The following LSS variants were observed in gnomAD, a reference collection of about 807,000 sequenced individuals.
LSS encodes lanosterol synthase, also known as 2,3-epoxysqualene-lanosterol cyclase.
In LSS, 90 loss-of-function variants were observed where a neutral mutation model predicts 110.3. The ratio of observed to expected loss-of-function variants is 0.82; its 90% CI spans 0.69 to 0.97. The LOEUF (loss-of-function observed/expected upper bound fraction) is 0.97. Among genes scored for constraint, LSS ranks in the 50% least tolerant of loss-of-function variants. The pLI is 0.00. For synonymous variants in LSS, 433 were observed against 400.0 expected (o/e 1.08, Z -0.98); for missense variants, 927 against 990.0 (o/e 0.94, Z 0.85).
chr21:46,215,809 T>C lies in LSS; in HGVS notation c.784-16A>G, dbSNP rs1224155114. The stretch of plus-strand genomic sequence containing the variant: ...CATAGAGCTCCTGGTGGGGGCAGTG[T>C]CTGAGCCTTGGGGCCTGGGAGCACC... On this transcript the variant is annotated splice_polypyrimidine_tract_variant and intron_variant, in intron 7 of 21. Transcript: ENST00000397728. 6.4e-7 allele frequency: 1 copy of C among 1,564,226 alleles called. No homozygotes were observed. The highest frequency in any genetic ancestry group is 8.8e-7 in the Non-Finnish European group (1 of 1,139,858).
chr21:46,192,731 G>C (rs113932475), intron 20 of LSS: 3 of 450,742 alleles, frequency 6.7e-6, no homozygotes, highest in Middle Eastern at 3.3e-4. Flanking sequence ...GGCACAGATG[G>C]GATACTGCGG....
At chr21:46,195,365 G>A (rs1276092948) in intron 19 of LSS, among the ~76,000 whole-genome samples, 4 of 152,192 alleles carry the variant, frequency 2.6e-5, no homozygotes, top group African/African-American at 9.7e-5. Flanking sequence ...AAGACTGCTT[G>A]AGCCCAAACC....
intron 17 of LSS, among the ~76,000 whole-genome samples, chr21:46,201,958 C>G (rs1411157287): frequency 1.3e-5 from 2 of 150,694 alleles, no homozygotes; most frequent in African/African-American, 4.9e-5. Context: ...CCACCACGCC[C>G]GGCTAATTTT....
Position 46,206,733 on chromosome 21 carries a change from G to A in LSS, c.1503C>T (p.Ala501=). ...LNMRNPDGGF[A]TYETKRGGHL... is the part of the protein sequence containing the mutation. ...GCCCCCCACGCTTGGTCTCATAGGTGGCGAACCCTCCATCTGGATTTCTCA... is the reference window on the plus strand; with the variant it reads ...GCCCCCCACGCTTGGTCTCATAGGTAGCGAACCCTCCATCTGGATTTCTCA... The change falls in exon 16 of 22, where the codon GCC becomes GCT. Residue 501 remains alanine, a synonymous_variant. Coordinates refer to ENST00000397728, the MANE Select transcript of LSS (RefSeq NM_002340.6). 1 of 1,612,760 alleles carries A rather than the reference G, an allele frequency of 6.2e-7. No individual in the cohort carries two copies. Among genetic ancestry groups the A allele is most frequent in the Non-Finnish European group, 8.5e-7 (1 of 1,179,970 alleles).
intron 17 of LSS, among the ~76,000 whole-genome samples, chr21:46,201,813 T>C (rs1449302065): frequency 1.5e-5 from 2 of 133,338 alleles, no homozygotes; most frequent in African/African-American, 5.4e-5. Flanking sequence ...TTTTTTTTTT[T>C]TTGAGACGGT....
At chr21:46,198,829 C>CAAAAAAA (rs35148484) in intron 17 of LSS, among the ~76,000 whole-genome samples, 38 of 73,360 alleles carry the variant, frequency 5.2e-4, no homozygotes, top group South Asian at 1.7e-3. Context: ...CATCCACATG[C>CAAAAAAA]AAAAAAAAAA....
In LSS at chr21:46,222,683, T is replaced by C. The variant is rs1248166669; in HGVS notation, c.375A>G (p.Glu125=). 6.2e-7 allele frequency: 1 copy of C among 1,613,430 alleles called. No individual in the cohort carries two copies. Among genetic ancestry groups the C allele is most frequent in the African/African-American group, 1.3e-5 (1 of 74,936 alleles). The change falls in exon 4 of 22, where the codon GAA becomes GAG. Residue 125 remains glutamate (E), a synonymous_variant. Transcript: ENST00000397728. ...ARIPLPAGYR[E]EIVRYLRSVQ... Reference sequence around the variant, plus strand: ...CTGACCGCAGGTACCGCACAATCTCTTCTCTGTATCCGGCTGGCAGAGGGA... The same window carrying C: ...CTGACCGCAGGTACCGCACAATCTCCTCTCTGTATCCGGCTGGCAGAGGGA...
intron 3 of LSS, chr21:46,225,340 G>C: frequency 2.2e-6 from 1 of 448,164 alleles, no homozygotes; most frequent in Non-Finnish European, 4.4e-6. Context: ...TTGGTCTAGC[G>C]GTAACGCCAG....
intron 18 of LSS, among the ~76,000 whole-genome samples, chr21:46,195,969 C>T (rs1031126763): frequency 1.2e-4 from 18 of 152,218 alleles, no homozygotes; most frequent in African/African-American, 2.9e-4. Context: ...GGCTACAGCG[C>T]GCTCCCAGCA....
In LSS at chr21:46,197,423, T is replaced by C. The variant is rs142052679; in HGVS notation, c.1671-1156A>G. On this transcript the variant is annotated intron_variant, in intron 17 of 21. Transcript: ENST00000397728. ...ACTCTAGGCCTAGGAATTTTATAAA[T>C]GAATGCAACTAAATTATCAGACACA... Among the ~76,000 whole-genome samples the C allele has an allele frequency of 2.6e-5, 4 of 152,316 alleles. No individual in the cohort carries two copies. In the East Asian group the frequency reaches 7.7e-4, roughly 29 times the overall value.
chr21:46,214,562 C>T (rs542164465), intron 9 of LSS, among the ~76,000 whole-genome samples: 96 of 152,292 alleles, frequency 6.3e-4, no homozygotes, highest in Non-Finnish European at 1.0e-3. Context: ...CCCACTACAC[C>T]GCAGCAGCTA....
In LSS at chr21:46,216,977, T is replaced by C. The variant is rs2080214824; in HGVS notation, c.648-453A>G. The stretch of plus-strand genomic sequence containing the variant: ...TTAAGAAACTTTAGGAGGGGCACGG[T>C]GGCTCACGCCTGTAACCCTAGCACT... On this transcript the variant is annotated intron_variant, in intron 6 of 21. Coordinates refer to ENST00000397728, the MANE Select transcript of LSS (RefSeq NM_002340.6). This position sits in a 1 kb window ranked among gnomAD's most constrained non-coding sequence, Gnocchi z 4.2. Among the ~76,000 whole-genome samples the C allele has an allele frequency of 6.6e-6, 1 of 152,136 alleles. No individual in the cohort carries two copies. Among genetic ancestry groups the C allele is most frequent in the African/African-American group, 2.4e-5 (1 of 41,444 alleles).
chr21:46,225,704 T>C (rs2080330375), intron 3 of LSS, among the ~76,000 whole-genome samples: 1 of 152,168 alleles, frequency 6.6e-6, no homozygotes, highest in Admixed American at 6.5e-5. Context: ...TGGCATAAGC[T>C]GTCTCTCTCT....
chr21:46,200,273 G>A (rs575060928), intron 17 of LSS, among the ~76,000 whole-genome samples: 1 of 152,112 alleles, frequency 6.6e-6, no homozygotes, highest in South Asian at 2.1e-4. Flanking sequence ...TGATAATTTT[G>A]TAAGCATTAT....
At position 46,194,575 on chromosome 21, in the gene LSS, G is replaced by A. The variant is rs567412173; in HGVS notation, c.1904C>T (p.Ser635Phe). 1 of 1,613,766 alleles carries A rather than the reference G, an allele frequency of 6.2e-7. No homozygotes were observed. The highest frequency in any genetic ancestry group is 1.3e-5 in the African/African-American group (1 of 75,078). Reference protein sequence around the residue: ...ADGGWGEDFESCEERRYLQSA... With the variant: ...ADGGWGEDFEFCEERRYLQSA... ...CTGCAAATAACGCCGCTCCTCGCAG[G>A]ACTCAAAGTCCTCCCCCCAGCCTCC... The change falls in exon 20 of 22, where the codon TCC becomes TTC. Residue 635 changes from serine (S) to phenylalanine (F), a missense_variant. By Grantham distance (155) the Ser-to-Phe change is radical. Transcript: ENST00000397728.
intron 11 of LSS, among the ~76,000 whole-genome samples, chr21:46,212,032 C>T (rs542349027): frequency 1.4e-5 from 2 of 140,582 alleles, no homozygotes; most frequent in African/African-American, 5.2e-5. Flanking sequence ...ACTGATGAGT[C>T]GGTGCTGAGG....
chr21:46,228,183 C>A (rs1232280045), intron 2 of LSS, among the ~76,000 whole-genome samples: 1 of 152,264 alleles, frequency 6.6e-6, no homozygotes, highest in Non-Finnish European at 1.5e-5. Context: ...ATCTTTGCAA[C>A]TCTCCTATAA....
rs982973078 is a variant in LSS, at chr21:46,216,055, A to T, written c.784-262T>A. The stretch of plus-strand genomic sequence containing the variant: ...TCTGCCCCTCCTTCTTCCCCATGGC[A>T]GGCCTGATAAACATCCTGCACCTCA... On this transcript the variant is annotated intron_variant, in intron 7 of 21. Transcript: ENST00000397728. This position sits in a 1 kb window ranked among gnomAD's most constrained non-coding sequence, Gnocchi z 4.2. 9.2e-5 allele frequency among the ~76,000 whole-genome samples: 14 copies of T among 152,216 alleles called. No individual in the cohort carries two copies. Among genetic ancestry groups the T allele is most frequent in the African/African-American group, 3.1e-4 (13 of 41,538 alleles).
intron 6 of LSS, among the ~76,000 whole-genome samples, chr21:46,219,019 C>G (rs949724960): frequency 6.6e-6 from 1 of 152,216 alleles, no homozygotes; most frequent in Non-Finnish European, 1.5e-5. Flanking sequence ...GCCACCCCAC[C>G]TGGCCACAGA....
Sources: allele counts gnomAD v4.1 joint callset (sites outside exome capture counted in the v4.1 genomes callset), GRCh38; gene constraint gnomAD v4.1.1; non-coding constraint Gnocchi (gnomAD v3.1); transcripts MANE v1.5; gene names NCBI Gene and HGNC (gene_info 2026-07-23, HGNC 2026-07-21).